Variants in FBXO27 observed in about 807,000 individuals in gnomAD.
The protein encoded by FBXO27 is F-box only protein 27.
A neutral mutation model predicts 28.3 loss-of-function variants in FBXO27; 28 were observed. The ratio of observed to expected loss-of-function variants is 0.99; its 90% CI spans 0.73 to 1.36. FBXO27 has a LOEUF of 1.36. Ranked by LOEUF, FBXO27 falls within the 40% of genes most tolerant of loss-of-function variation. The probability of loss-of-function intolerance (pLI) is 0.00; values close to 1 mark genes in which losing one functional copy is unlikely to be tolerated. For missense variants in FBXO27, 388 were observed against 394.1 expected (o/e 0.98, Z 0.13); for synonymous variants, 175 against 167.3 (o/e 1.05, Z -0.36).
intron 5 of FBXO27, among the ~76,000 whole-genome samples, chr19:39,025,832 C>T (rs62119464): frequency 0.2 from 29,705 of 151,880 alleles, 3,551 homozygotes; most frequent in South Asian, 0.4. Context: ...CTGGCCAACA[C>T]GGTGAAACCC....
Position 39,026,896 on chromosome 19 carries a change from G to A in FBXO27, c.682C>T (p.Gln228Ter). Residue 228 changes from glutamine (Q) to a stop codon, truncating the protein, a stop_gained, in exon 5 of 6, where the codon CAG (glutamine) becomes TAG (stop). Coordinates refer to ENST00000292853, the MANE Select transcript of FBXO27 (RefSeq NM_178820.5). LOFTEE classifies it low-confidence loss of function (END_TRUNC). ...KFSAVPDPIP[Q>*]WNNNACLHVT... Reference sequence around the variant, plus strand: ...TGAAGGCAGGCATTGTTGTTCCACTGCGGGATGGGATCAGGCACAGCAGAG... The same window carrying A: ...TGAAGGCAGGCATTGTTGTTCCACTACGGGATGGGATCAGGCACAGCAGAG... 4 of 1,614,198 alleles carry A rather than the reference G, an allele frequency of 2.5e-6. No homozygotes were observed. Among genetic ancestry groups the A allele is most frequent in the Non-Finnish European group, 3.4e-6 (4 of 1,180,044 alleles).
chr19:39,030,885 G>A, intron 4 of FBXO27, 144 bp downstream of exon 4: 1 of 741,826 alleles, frequency 1.3e-6, no homozygotes, highest in Admixed American at 1.9e-5. Context: ...TGGGATTATA[G>A]GTGTGAGCCA....
Position 39,025,282 on chromosome 19 carries a change from A to G in FBXO27, c.*129T>C. On this transcript the variant is annotated 3_prime_UTR_variant, in exon 6 of 6. Coordinates refer to ENST00000292853, the MANE Select transcript of FBXO27 (RefSeq NM_178820.5). Reference sequence around the variant, plus strand: ...AAGACAGGGCCCGTCAGGGCCTTTGATTGGACCCAGGAATTCTCAGTATGC... The same window carrying G: ...AAGACAGGGCCCGTCAGGGCCTTTGGTTGGACCCAGGAATTCTCAGTATGC... 7.6e-7 allele frequency: 1 copy of G among 1,314,550 alleles called. No homozygotes were observed. Among genetic ancestry groups the G allele is most frequent in the Non-Finnish European group, 1.0e-6 (1 of 961,514 alleles). 81.4% of individuals were successfully genotyped at this position (1,314,550 alleles called of 1,614,324 possible). A position where few individuals can be genotyped will look rare whatever the true frequency, so the allele number is the denominator to read the frequency against.
At chr19:39,025,697 G>C in intron 5 of FBXO27, 143 bp from the exon 6 acceptor site, 1 of 1,150,468 alleles carries the variant, frequency 8.7e-7, no homozygotes, top group Non-Finnish European at 1.2e-6. Flanking sequence ...GAATCTTATA[G>C]AATCTTCCAC....
rs2072866218 is a variant in FBXO27 at position 39,025,295 on chromosome 19, A to G, written c.*116T>C. ...TCAGGGCCTTTGATTGGACCCAGGA[A>G]TTCTCAGTATGCCAGGGAGGTACAA... On this transcript the variant is annotated 3_prime_UTR_variant, in exon 6 of 6. Coordinates refer to ENST00000292853, the MANE Select transcript of FBXO27 (RefSeq NM_178820.5). 1.5e-6 allele frequency: 2 copies of G among 1,378,494 alleles called. No individual in the cohort carries two copies. Among genetic ancestry groups the G allele is most frequent in the Admixed American group, 4.6e-5 (2 of 43,638 alleles). The allele number at this position is 1,378,494 out of a possible 1,614,324, so 85.4% of individuals were successfully genotyped here. A position where few individuals can be genotyped will look rare whatever the true frequency, so the allele number is the denominator to read the frequency against.
In FBXO27 at chr19:39,031,933, A is replaced by C; in HGVS notation, c.295T>G (p.Cys99Gly). ...CGCGCGCAGAAGCGGCCCAGGGGGC[A>C]AGGCCTGGCGTTACGGGCGGGAGAC... ...CQSPARNARP[C>G]PLGRFCARRP... Residue 99 changes from cysteine (C) to glycine (G), a missense_variant, in exon 2 of 6, where the codon TGC becomes GGC. Coordinates refer to ENST00000292853, the MANE Select transcript of FBXO27 (RefSeq NM_178820.5). The C allele has an allele frequency of 6.6e-7, 1 of 1,514,604 alleles. No homozygotes were observed. Among genetic ancestry groups the C allele is most frequent in the Non-Finnish European group, 8.7e-7 (1 of 1,143,074 alleles). 93.8% of individuals were successfully genotyped at this position (1,514,604 alleles called of 1,614,324 possible). A position where few individuals can be genotyped will look rare whatever the true frequency, so the allele number is the denominator to read the frequency against.
chr19:39,007,903 C>T (rs756113710), intron 2 of FBXO27, among the ~76,000 whole-genome samples: 57 of 152,142 alleles, frequency 3.7e-4, no homozygotes, highest in Non-Finnish European at 6.6e-4. Flanking sequence ...CTGCCTGCCT[C>T]GGCCTCCCAA....
chr19:39,025,613 G>T (rs2072868982), intron 5 of FBXO27, 59 bp from the exon 6 acceptor site: 2 of 1,540,382 alleles, frequency 1.3e-6, no homozygotes, highest in African/African-American at 1.4e-5. Context: ...CAAAGCTGAG[G>T]TTAGGGCCTT....
chr19:39,015,422 A>G (rs184549811), intron 1 of FBXO27, among the ~76,000 whole-genome samples: 2 of 147,856 alleles, frequency 1.4e-5, no homozygotes, highest in East Asian at 4.2e-4. Flanking sequence ...CTTGAGCCCA[A>G]GTGTTTGAGA....
At position 39,012,960 on chromosome 19, in the gene FBXO27, AAAAC is replaced by A. The variant is rs144507136; in HGVS notation, c.252+1423_252+1426del. On this transcript the variant is annotated intron_variant, in intron 2 of 2. Coordinates refer to the FBXO27 transcript ENST00000598394. ...GGGCAACAGAGTGAGACCCTGTCTC[AAAAC>A]AAACAAACAAACAAACAAACGAACA... 6.5e-4 allele frequency among the ~76,000 whole-genome samples: 84 copies of A among 129,464 alleles called. No individual in the cohort carries two copies. In the East Asian group the frequency reaches 6.8e-3, roughly 10 times the overall value. The allele number at this position is 129,464 out of a possible 152,430, so 84.9% of individuals were successfully genotyped here.
chr19:39,032,282 G>A lies in FBXO27; in HGVS notation c.-26-29C>T. The A allele has an allele frequency of 1.4e-6, 2 of 1,381,044 alleles. No homozygotes were observed. Among genetic ancestry groups the A allele is most frequent in the African/African-American group, 1.6e-5 (1 of 60,608 alleles). 85.5% of individuals were successfully genotyped at this position (1,381,044 alleles called of 1,614,324 possible). A position where few individuals can be genotyped will look rare whatever the true frequency, so the allele number is the denominator to read the frequency against. The stretch of plus-strand genomic sequence containing the variant: ...CGGGAGAGGAAGGGTCAAGGCGTCA[G>A]GGACCAGCAGCCTCCGCGGCGCGCA... On this transcript the variant is annotated intron_variant, in intron 1 of 5. Coordinates refer to ENST00000292853, the MANE Select transcript of FBXO27 (RefSeq NM_178820.5). The surrounding 1 kb of genome is among the most constrained non-coding windows in gnomAD (Gnocchi z 4.7).
Position 39,032,419 on chromosome 19 carries a change from AC to A in FBXO27, c.-27+83del. ...CCTTGATAGCCCCGATATCCCGGAG[AC>A]CCCGCGGTCTGTGTGTATGCCCCGA... is the stretch of plus-strand genomic sequence containing the variant. On this transcript the variant is annotated intron_variant, in intron 1 of 5. Coordinates refer to ENST00000292853, the MANE Select transcript of FBXO27 (RefSeq NM_178820.5). The surrounding 1 kb of genome is among the most constrained non-coding windows in gnomAD (Gnocchi z 4.7). 3 of 821,104 alleles carry A rather than the reference AC, an allele frequency of 3.7e-6. No individual in the cohort carries two copies. The highest frequency in any genetic ancestry group is 5.2e-6 in the Non-Finnish European group (3 of 578,902). 50.9% of individuals were successfully genotyped at this position (821,104 alleles called of 1,614,324 possible). A position where few individuals can be genotyped will look rare whatever the true frequency, so the allele number is the denominator to read the frequency against.
downstream of FBXO27, among the ~76,000 whole-genome samples, chr19:39,019,799 T>G (rs1040009797): frequency 6.6e-5 from 10 of 152,250 alleles, no homozygotes; most frequent in South Asian, 2.1e-4. Flanking sequence ...TTGCCCAGGC[T>G]GGAGTGCAGT....
chr19:39,011,260 G>A (rs1277331521), intron 2 of FBXO27, among the ~76,000 whole-genome samples: 4 of 152,148 alleles, frequency 2.6e-5, no homozygotes, highest in East Asian at 3.9e-4. Flanking sequence ...GTGAAACCCC[G>A]TCTCTACTAA....
downstream of FBXO27, among the ~76,000 whole-genome samples, chr19:39,019,200 G>A (rs1284743954): frequency 2.0e-5 from 3 of 151,566 alleles, no homozygotes; most frequent in Non-Finnish European, 2.9e-5. Flanking sequence ...CAAGGTGGGC[G>A]GTCACGAGAT....
At chr19:39,018,006 A>T (rs2072827634) in intron 1 of FBXO27, among the ~76,000 whole-genome samples, 1 of 152,068 alleles carries the variant, frequency 6.6e-6, no homozygotes, top group South Asian at 2.1e-4. Flanking sequence ...TTCGTGATGG[A>T]GTTTCACTCT....
chr19:39,027,824 T>G (rs1170867389), intron 4 of FBXO27, among the ~76,000 whole-genome samples: 1 of 152,120 alleles, frequency 6.6e-6, no homozygotes, highest in East Asian at 1.9e-4. Context: ...AGATTTTGTT[T>G]TTAATTATTA....
chr19:39,023,632 G>A (rs1053305553), downstream of FBXO27, among the ~76,000 whole-genome samples: 49 of 148,726 alleles, frequency 3.3e-4, no homozygotes, highest in African/African-American at 1.1e-3. Flanking sequence ...TTTTTAATTT[G>A]AGACGGAGTC....
intron 4 of FBXO27, among the ~76,000 whole-genome samples, chr19:39,029,223 C>G (rs2072889256): frequency 6.6e-6 from 1 of 151,240 alleles, no homozygotes; most frequent in Non-Finnish European, 1.5e-5. Flanking sequence ...GTCAGCAGTT[C>G]AAGACCAGCC....
Sources: allele counts gnomAD v4.1 joint callset (sites outside exome capture counted in the v4.1 genomes callset), GRCh38; gene constraint gnomAD v4.1.1; non-coding constraint Gnocchi (gnomAD v3.1); transcripts MANE v1.5; gene names NCBI Gene and HGNC (gene_info 2026-07-23, HGNC 2026-07-21).